The following SPAG4 variants were observed in gnomAD, a reference collection of about 807,000 sequenced individuals.
SPAG4 encodes the protein sperm-associated antigen 4 protein.
In SPAG4, 54 loss-of-function variants were observed where a neutral mutation model predicts 53.9. The ratio of observed to expected loss-of-function variants is 1.00; its 90% confidence interval spans 0.80 to 1.26. The LOEUF (loss-of-function observed/expected upper bound fraction) is 1.26, where lower values mean the gene tolerates loss of function less well. Among genes scored for constraint, SPAG4 ranks in the 50% most tolerant of loss-of-function variants. SPAG4 has a pLI of 0.00. For missense variants in SPAG4, 548 were observed against 568.6 expected, an observed-to-expected ratio of 0.96 and a Z score of 0.37; for synonymous variants, 246 against 237.4, an observed-to-expected ratio of 1.04 and a Z score of -0.33.
rs745956852 is a variant in SPAG4 at position 35,620,930 on chromosome 20, G to A, written c.1222G>A (p.Gly408Ser). 2 of 1,614,178 alleles carry A rather than the reference G, an allele frequency of 1.2e-6. No individual in the cohort carries two copies. Among genetic ancestry groups the A allele is most frequent in the South Asian group, 1.1e-5 (1 of 91,084 alleles). The part of the protein sequence containing the change: ...KVKIQILSNW[G>S]HPRFTCLYRV... ...GAAGATCCAGATTCTAAGCAACTGG[G>A]GCCACCCCCGTTTCACGTGCTTGTA... The change falls in exon 12 of 12, where the codon GGC (glycine) becomes AGC (serine). Residue 408 changes from glycine to serine, a missense_variant. Physicochemically the swap from Gly to Ser is moderately conservative, Grantham distance 56. Transcript: ENST00000374273.
intron 1 of SPAG4, 101 bp from the exon 2 acceptor site, chr20:35,617,035 C>T: frequency 1.3e-6 from 1 of 760,026 alleles, no homozygotes; most frequent in Non-Finnish European, 2.2e-6. Flanking sequence ...AGAGACTTCC[C>T]AGCTGTCTGG....
At chr20:35,617,416 A>T in intron 2 of SPAG4, 104 bp from the exon 3 acceptor site, 1 of 768,558 alleles carries the variant, frequency 1.3e-6, no homozygotes, top group Non-Finnish European at 2.1e-6. Flanking sequence ...CCCCAGGCCC[A>T]CCCCCGGCCC....
chr20:35,617,753 G>A, intron 3 of SPAG4, 26 bp from the exon 4 acceptor site: 2 of 1,611,502 alleles, frequency 1.2e-6, no homozygotes, highest in South Asian at 1.1e-5. Flanking sequence ...GCAGGTCGGG[G>A]CCTCAGCCTC....
chr20:35,620,788 A>T lies in SPAG4; in HGVS notation c.1167+15A>T. ...TCCACCTGCAGGTGTGTTTGTCTCTAGGGTGAAGGTGCCAAGGGAGTGGGG... is the reference window on the plus strand; with the variant it reads ...TCCACCTGCAGGTGTGTTTGTCTCTTGGGTGAAGGTGCCAAGGGAGTGGGG... On this transcript the variant is annotated intron_variant, in intron 11 of 11. Coordinates refer to ENST00000374273, the MANE Select transcript of SPAG4 (RefSeq NM_003116.3). 6.2e-7 allele frequency: 1 copy of T among 1,613,632 alleles called. No individual in the cohort carries two copies. The highest frequency in any genetic ancestry group is 8.5e-7 in the Non-Finnish European group (1 of 1,179,612).
Position 35,621,089 on chromosome 20 carries a change from C to A in SPAG4, c.*67C>A. ...TACTGGATCAGTGCTTTCGGGGGCT[C>A]TGTTGGGAGAGCTCTGGCTGCCGTT... On this transcript the variant is annotated 3_prime_UTR_variant, in exon 12 of 12. Transcript: ENST00000374273. 2 of 1,555,524 alleles carry A rather than the reference C, an allele frequency of 1.3e-6. No individual in the cohort carries two copies. Among genetic ancestry groups the A allele is most frequent in the South Asian group, 2.2e-5 (2 of 88,894 alleles).
chr20:35,617,939 TTCCCCTGCAGAA>T (rs2031443276), intron 4 of SPAG4, 99 bp downstream of exon 4: 6 of 1,403,444 alleles, frequency 4.3e-6, no homozygotes, highest in Admixed American at 3.4e-5. Flanking sequence ...GCTCCTGGCA[TTCCCCTGCAGAA>T]CCCCCTAATT....
chr20:35,617,139 C>T lies in SPAG4; in HGVS notation c.308C>T (p.Pro103Leu), dbSNP rs1293840948. The T allele has an allele frequency of 1.9e-6, 3 of 1,581,360 alleles. No individual in the cohort carries two copies. The highest frequency in any genetic ancestry group is 2.3e-5 in the East Asian group (1 of 43,274). ...AATVRGGASE[P>L]TGSPVVSEEP... The stretch of plus-strand genomic sequence containing the variant: ...TGGAGCCCTTGGGTTCCCGCAGAAC[C>T]GACTGGGTCTCCAGTAGTCTCTGAG... Residue 103 changes from proline (P) to leucine (L), a missense_variant, in exon 2 of 12, where the codon CCG becomes CTG. Coordinates refer to ENST00000374273, the MANE Select transcript of SPAG4 (RefSeq NM_003116.3).
chr20:35,620,407 C>A (rs1227041106), intron 10 of SPAG4, among the ~76,000 whole-genome samples: 1 of 152,138 alleles, frequency 6.6e-6, no homozygotes, highest in Non-Finnish European at 1.5e-5. Flanking sequence ...AACCTGGTTT[C>A]TTCCCGGGAG....
At chr20:35,618,843 C>T in intron 7 of SPAG4, 80 bp from the exon 8 acceptor site, 1 of 1,482,110 alleles carries the variant, frequency 6.7e-7, no homozygotes, top group Non-Finnish European at 9.4e-7. Context: ...CCCAAAGCAA[C>T]CAGCTCCCAG....
chr20:35,618,392 GTA>G, intron 5 of SPAG4, 56 bp from the exon 6 acceptor site: 1 of 1,609,628 alleles, frequency 6.2e-7, no homozygotes, highest in Non-Finnish European at 8.5e-7. Flanking sequence ...CCAGGCTGAG[GTA>G]GGAGCAAGGA....
Position 35,621,009 on chromosome 20 carries a change from A to AG in SPAG4, c.1305dup (p.Pro436AlafsTer?). 6.2e-7 allele frequency: 1 copy of AG among 1,613,770 alleles called. No individual in the cohort carries two copies. The highest frequency in any genetic ancestry group is 8.5e-7 in the Non-Finnish European group (1 of 1,179,690). ...TCAGAGGGGGCAGAGGGCAGTGCAC[A>AG]GGGGCCCCATTAAACATGCTGATTT... On this transcript the variant is annotated frameshift_variant, in exon 12 of 12. Transcript: ENST00000374273. LOFTEE classifies it high-confidence loss of function.
intron 4 of SPAG4, 86 bp from the exon 5 acceptor site, chr20:35,618,001 C>T: frequency 1.4e-6 from 2 of 1,467,018 alleles, no homozygotes; most frequent in East Asian, 4.5e-5. Context: ...GCTTAACCCC[C>T]TCAAGCCTCT....
chr20:35,615,954 C>A lies in SPAG4; in HGVS notation c.-50C>A. On this transcript the variant is annotated 5_prime_UTR_variant, in exon 1 of 12. Transcript: ENST00000374273. Reference sequence around the variant, plus strand: ...GCTGAAGGAGGCCCCAGGGCCTTGGCGACCGCAGCGGCGGCTTTAGCGTCA... The same window carrying A: ...GCTGAAGGAGGCCCCAGGGCCTTGGAGACCGCAGCGGCGGCTTTAGCGTCA... 6.3e-7 allele frequency: 1 copy of A among 1,585,838 alleles called. No homozygotes were observed. Among genetic ancestry groups the A allele is most frequent in the Non-Finnish European group, 8.6e-7 (1 of 1,165,968 alleles).
rs780448667 is a variant in SPAG4 at position 35,617,872 on chromosome 20, C to A, written c.538+32C>A. On this transcript the variant is annotated intron_variant, in intron 4 of 11. Transcript: ENST00000374273. ...GGCAGTGAATTCCCTGGAGCCCCTG[C>A]CCTGGGTGCTTTGGAGGCAAACCCA... 2.5e-6 allele frequency: 4 copies of A among 1,603,986 alleles called. No individual in the cohort carries two copies. In the African/African-American group the frequency reaches 5.4e-5, roughly 21 times the overall value.
Position 35,615,967 on chromosome 20 carries a change from G to C in SPAG4, c.-37G>C, listed in dbSNP as rs547025613. 3 of 1,600,716 alleles carry C rather than the reference G, an allele frequency of 1.9e-6. No individual in the cohort carries two copies. The highest frequency in any genetic ancestry group is 2.3e-5 in the East Asian group (1 of 44,376). ...CCAGGGCCTTGGCGACCGCAGCGGC[G>C]GCTTTAGCGTCAGTGACTAGGCAGC... On this transcript the variant is annotated 5_prime_UTR_variant, in exon 1 of 12. Coordinates refer to ENST00000374273, the MANE Select transcript of SPAG4 (RefSeq NM_003116.3).
intron 1 of SPAG4, chr20:35,616,888 C>T: frequency 1.9e-6 from 1 of 512,924 alleles, no homozygotes; most frequent in South Asian, 2.5e-5. Context: ...CCTCGGCCTC[C>T]CAAATCGCTG....
rs754884053 is a variant in SPAG4, at chr20:35,617,143, TG to T, written c.315del (p.Ser106LeufsTer3). Reference protein sequence around the residue: ...TVRGGASEPTGSPVVSEEPLD... With the variant: ...TVRGGASEPTXSPVVSEEPLD... ...GCCCTTGGGTTCCCGCAGAACCGAC[TG>T]GGTCTCCAGTAGTCTCTGAGGAGCC... On this transcript the variant is annotated frameshift_variant, in exon 2 of 12. Coordinates refer to ENST00000374273, the MANE Select transcript of SPAG4 (RefSeq NM_003116.3). LOFTEE classifies it high-confidence loss of function. 8 of 1,584,996 alleles carry T rather than the reference TG, an allele frequency of 5.0e-6. No individual in the cohort carries two copies. In the East Asian group the frequency reaches 1.8e-4, roughly 36 times the overall value.
chr20:35,618,021 C>G, intron 4 of SPAG4, 66 bp from the exon 5 acceptor site: 2 of 1,534,192 alleles, frequency 1.3e-6, no homozygotes, highest in South Asian at 1.2e-5. Flanking sequence ...TTTCCACTGT[C>G]CCCCTATGCC....
At position 35,619,445 on chromosome 20, in the gene SPAG4, T is replaced by A. The variant is rs2031500570; in HGVS notation, c.910-134T>A. The stretch of plus-strand genomic sequence containing the variant: ...GTTTAACTCAAGGAGAGACCTGGCA[T>A]TGCTGGGGACTGGGGCGGGCTGGAG... On this transcript the variant is annotated intron_variant, in intron 9 of 11. Coordinates refer to ENST00000374273, the MANE Select transcript of SPAG4 (RefSeq NM_003116.3). 5 of 1,385,660 alleles carry A rather than the reference T, an allele frequency of 3.6e-6. No homozygotes were observed. In the South Asian group the frequency reaches 6.1e-5, roughly 17 times the overall value. The allele number at this position is 1,385,660 out of a possible 1,614,324, so 85.8% of individuals were successfully genotyped here.
Sources: gnomAD v4.1 joint callset for allele counts (sites outside exome capture counted in the v4.1 genomes callset) on GRCh38, gnomAD v4.1.1 for gene constraint, MANE v1.5 for transcripts, NCBI Gene and HGNC (gene_info 2026-07-23, HGNC 2026-07-21) for gene names.